Variants in LDLRAD4 observed in about 807,000 individuals in gnomAD.
LDLRAD4 encodes low density lipoprotein receptor class A domain containing 4.
Under a neutral mutation model 17.0 loss-of-function variants are expected in LDLRAD4, and 5 were observed. The observed-to-expected ratio is 0.29, with a 90% CI of 0.15 to 0.62. LDLRAD4 has a LOEUF of 0.62. Ranked by LOEUF, LDLRAD4 falls within the 20% of genes least tolerant of loss-of-function variation. The probability of loss-of-function intolerance (pLI) is 0.84; values close to 1 mark genes in which losing one functional copy is unlikely to be tolerated. For synonymous variants in LDLRAD4, 168 were observed against 171.8 expected (o/e 0.98, Z 0.17); for missense variants, 340 against 424.7 (o/e 0.80, Z 1.75).
chr18:13,412,759 G>C (rs193136626), intron 2 of LDLRAD4, among the ~76,000 whole-genome samples: 1 of 152,174 alleles, frequency 6.6e-6, no homozygotes, highest in African/African-American at 2.4e-5. Context: ...TGAAGCCCCA[G>C]TGTCTTAGAA....
intron 2 of LDLRAD4, among the ~76,000 whole-genome samples, chr18:13,388,998 C>A (rs893656950): frequency 6.6e-6 from 1 of 152,216 alleles, no homozygotes; most frequent in African/African-American, 2.4e-5. Context: ...TGGTTATTCT[C>A]TGGCCCATGT....
intron 3 of LDLRAD4, among the ~76,000 whole-genome samples, chr18:13,479,941 G>A (rs1337363187): frequency 6.6e-6 from 1 of 152,226 alleles, no homozygotes; most frequent in Non-Finnish European, 1.5e-5. Context: ...GTGCTGGGGA[G>A]GATGTGGAGC....
intron 1 of LDLRAD4, among the ~76,000 whole-genome samples, chr18:13,345,950 T>A (rs1469971465): frequency 6.6e-6 from 1 of 152,196 alleles, no homozygotes; most frequent in East Asian, 1.9e-4. Context: ...TTTATTGCCA[T>A]CTATTTGATT....
At chr18:13,383,179 G>A (rs1051700909) in intron 1 of LDLRAD4, among the ~76,000 whole-genome samples, 8 of 152,222 alleles carry the variant, frequency 5.3e-5, no homozygotes, top group Non-Finnish European at 1.2e-4. Flanking sequence ...CCTTCTCTGC[G>A]CTGTGTATAG....
chr18:13,631,030 C>A (rs1028078495), intron 4 of LDLRAD4, among the ~76,000 whole-genome samples: 2 of 152,316 alleles, frequency 1.3e-5, no homozygotes, highest in South Asian at 2.1e-4. Flanking sequence ...TAGCTGAGAG[C>A]ATAAGCCCAG....
In LDLRAD4 at chr18:13,592,430, A is replaced by C. The variant is rs142479975; in HGVS notation, c.182-28687A>C. On this transcript the variant is annotated intron_variant, in intron 3 of 5. Transcript: ENST00000359446. Reference sequence around the variant, plus strand: ...GATTGCAACCCATGCTTTAGAAAATACTGTCCAACTTCCTTCCTGTCTTCC... The same window carrying C: ...GATTGCAACCCATGCTTTAGAAAATCCTGTCCAACTTCCTTCCTGTCTTCC... Among the ~76,000 whole-genome samples the C allele has an allele frequency of 2.5e-3, 386 of 152,350 alleles. 3 individuals are homozygous for C. Among genetic ancestry groups the C allele is most frequent in the African/African-American group, 8.9e-3 (372 of 41,580 alleles).
At chr18:13,449,569 C>T (rs2091654350) in intron 3 of LDLRAD4, among the ~76,000 whole-genome samples, 1 of 152,236 alleles carries the variant, frequency 6.6e-6, no homozygotes, top group African/African-American at 2.4e-5. Flanking sequence ...TTGAGAAAGG[C>T]CCCTGTCTTC....
intron 1 of LDLRAD4, among the ~76,000 whole-genome samples, chr18:13,366,748 G>C (rs898880674): frequency 1.3e-5 from 2 of 152,180 alleles, no homozygotes; most frequent in African/African-American, 2.4e-5. Flanking sequence ...CAATGGCTGG[G>C]TTCTTCAGCA....
intron 1 of LDLRAD4, among the ~76,000 whole-genome samples, chr18:13,223,159 G>A (rs1425923239): frequency 6.6e-6 from 1 of 152,146 alleles, no homozygotes; most frequent in Non-Finnish European, 1.5e-5. Context: ...CAAATGATTT[G>A]CTCTTCTCTT....
At chr18:13,494,939 C>T (rs2093436461) in intron 3 of LDLRAD4, among the ~76,000 whole-genome samples, 1 of 151,714 alleles carries the variant, frequency 6.6e-6, no homozygotes, top group South Asian at 2.1e-4. Context: ...GGCTCATATT[C>T]AGCTTAAGGC....
At chr18:13,644,673 T>C (rs180741226) in intron 5 of LDLRAD4, 1 of 154,986 alleles carries the variant, frequency 6.5e-6, no homozygotes, top group Admixed American at 6.5e-5. Flanking sequence ...GGCAGGGACC[T>C]GAGAAAGCAG....
intron 3 of LDLRAD4, among the ~76,000 whole-genome samples, chr18:13,571,375 G>C (rs1472358372): frequency 9.2e-5 from 14 of 152,116 alleles, no homozygotes; most frequent in Non-Finnish European, 4.4e-5. Context: ...ATGTGAAGTT[G>C]GTCACAGCCC....
chr18:13,248,457 G>A (rs529587472), intron 1 of LDLRAD4, among the ~76,000 whole-genome samples: 4 of 152,300 alleles, frequency 2.6e-5, no homozygotes, highest in South Asian at 2.1e-4. Flanking sequence ...TGGCTGGTGT[G>A]GGCACAGCGA....
chr18:13,607,758 G>A (rs1223874549), intron 3 of LDLRAD4, among the ~76,000 whole-genome samples: 1 of 152,166 alleles, frequency 6.6e-6, no homozygotes, highest in Non-Finnish European at 1.5e-5. Flanking sequence ...ATCCATGTCT[G>A]TGCAAAGGAC....
intron 3 of LDLRAD4, among the ~76,000 whole-genome samples, chr18:13,461,697 G>A (rs981871330): frequency 6.6e-6 from 1 of 152,166 alleles, no homozygotes; most frequent in African/African-American, 2.4e-5. Flanking sequence ...TGATCAGTCT[G>A]ATTGGTTGCA....
intron 3 of LDLRAD4, among the ~76,000 whole-genome samples, chr18:13,450,337 C>CCGCA (rs367571092): frequency 3.5e-5 from 4 of 115,496 alleles, no homozygotes; most frequent in Non-Finnish European, 5.6e-5. Context: ...CCCCCCCCCC[C>CCGCA]AAAAAAACAC....
rs114479162 is a variant in LDLRAD4 at position 13,287,917 on chromosome 18, G to C, written c.-383+9729G>C. On this transcript the variant is annotated intron_variant, in intron 1 of 5. Transcript: ENST00000359446. ...AGAGGCAAAGACATTAAGGCAAAAT[G>C]TACCTGCATAACTAGTTTTAATTTA... Among the ~76,000 whole-genome samples the C allele has an allele frequency of 3.4e-3, 525 of 152,302 alleles. 3 individuals are homozygous for C. The highest frequency in any genetic ancestry group is 0.012 in the African/African-American group (493 of 41,544).
At chr18:13,530,033 A>G (rs2094103587) in intron 3 of LDLRAD4, among the ~76,000 whole-genome samples, 1 of 152,170 alleles carries the variant, frequency 6.6e-6, no homozygotes, top group South Asian at 2.1e-4. Flanking sequence ...TTCATCCTCA[A>G]ATATGTGTCC....
chr18:13,349,954 G>A (rs2082943750), intron 1 of LDLRAD4, among the ~76,000 whole-genome samples: 1 of 152,140 alleles, frequency 6.6e-6, no homozygotes, highest in African/African-American at 2.4e-5. Flanking sequence ...CCCTGCAAAG[G>A]ACACGATCTC....
Sources: gnomAD v4.1 joint callset for allele counts (sites outside exome capture counted in the v4.1 genomes callset) on GRCh38, gnomAD v4.1.1 for gene constraint, MANE v1.5 for transcripts, NCBI Gene and HGNC (gene_info 2026-07-23, HGNC 2026-07-21) for gene names.